Variants in CNTN4 observed in about 807,000 individuals in gnomAD.
CNTN4 encodes the protein contactin-4.
A neutral mutation model predicts 122.5 loss-of-function variants in CNTN4; 77 were observed. The ratio of observed to expected loss-of-function variants is 0.63; its 90% CI spans 0.52 to 0.76. CNTN4 has a LOEUF of 0.76. Ranked by LOEUF, CNTN4 falls within the 30% of genes least tolerant of loss-of-function variation. The pLI is 0.00. For missense variants in CNTN4, 1,256 were observed against 1,259.1 expected, an observed-to-expected ratio of 1.00 and a Z score of 0.04; for synonymous variants, 512 against 447.0, an observed-to-expected ratio of 1.15 and a Z score of -1.83.
chr3:2,766,230 G>A (rs1002983135), intron 6 of CNTN4, among the ~76,000 whole-genome samples: 3 of 152,070 alleles, frequency 2.0e-5, no homozygotes, highest in East Asian at 1.9e-4. Flanking sequence ...TCTCCTGATC[G>A]CATCTATAAT....
At position 2,916,636 on chromosome 3, in the gene CNTN4, T is replaced by A. The variant is rs1442619757; in HGVS notation, c.1208-8993T>A. Among the ~76,000 whole-genome samples the A allele has an allele frequency of 4.1e-5, 5 of 122,716 alleles. 2 individuals carry two copies. Among genetic ancestry groups the A allele is most frequent in the Non-Finnish European group, 8.7e-5 (5 of 57,696 alleles). 80.5% of individuals were successfully genotyped at this position (122,716 alleles called of 152,430 possible). Reference sequence around the variant, plus strand: ...GACACAGCAACAATCTGATTTCTCTTTCCTTTCCCCACACTTCCCCCCCTT... The same window carrying A: ...GACACAGCAACAATCTGATTTCTCTATCCTTTCCCCACACTTCCCCCCCTT... On this transcript the variant is annotated intron_variant, in intron 12 of 24. Transcript: ENST00000418658.
In CNTN4 at chr3:2,924,723, A is replaced by G. The variant is rs187230808; in HGVS notation, c.1208-906A>G. On this transcript the variant is annotated intron_variant, in intron 12 of 24. Transcript: ENST00000418658. Reference sequence around the variant, plus strand: ...ATAATAGAGCTATCTCAACACCTACACTCCAAGAACAAGTCACAGCTTCTC... The same window carrying G: ...ATAATAGAGCTATCTCAACACCTACGCTCCAAGAACAAGTCACAGCTTCTC... Among the ~76,000 whole-genome samples the G allele has an allele frequency of 1.2e-3, 181 of 152,294 alleles. 1 individual carries two copies. The highest frequency in any genetic ancestry group is 4.1e-3 in the African/African-American group (170 of 41,572).
Position 2,739,936 on chromosome 3 carries a change from A to G in CNTN4, c.182+3595A>G, listed in dbSNP as rs6782278. ...GAACGTTACTTTCCTTCTAATATAGAAAGGACATCTTTGGCATGGGGATTT... is the reference window on the plus strand; with the variant it reads ...GAACGTTACTTTCCTTCTAATATAGGAAGGACATCTTTGGCATGGGGATTT... On this transcript the variant is annotated intron_variant, in intron 5 of 24. Coordinates refer to ENST00000418658, the MANE Select transcript of CNTN4 (RefSeq NM_175607.3). 5.7e-3 allele frequency among the ~76,000 whole-genome samples: 861 copies of G among 152,336 alleles called. 11 individuals are homozygous for G. Among genetic ancestry groups the G allele is most frequent in the African/African-American group, 0.02 (824 of 41,570 alleles).
chr3:2,560,232 C>T (rs966207000), intron 3 of CNTN4, among the ~76,000 whole-genome samples: 1 of 151,720 alleles, frequency 6.6e-6, no homozygotes. Context: ...CCTCGATTTC[C>T]CAGGCTCAGG....
At chr3:2,948,580 C>CA (rs113953485) in intron 13 of CNTN4, among the ~76,000 whole-genome samples, 85 of 152,046 alleles carry the variant, frequency 5.6e-4, no homozygotes, top group African/African-American at 1.9e-3. Flanking sequence ...GCTCTGAAAA[C>CA]AAAAAAATAT....
At chr3:2,554,062 C>T (rs1177863982) in intron 3 of CNTN4, among the ~76,000 whole-genome samples, 2 of 152,130 alleles carry the variant, frequency 1.3e-5, no homozygotes, top group African/African-American at 4.8e-5. Flanking sequence ...TAATCTACAT[C>T]ACAAACCTTG....
At chr3:2,120,921 C>G (rs2033733844) in intron 2 of CNTN4, among the ~76,000 whole-genome samples, 1 of 152,034 alleles carries the variant, frequency 6.6e-6, no homozygotes, top group African/African-American at 2.4e-5. Flanking sequence ...ATCCTATGAA[C>G]TAGATACTAT....
rs1482761544 is a variant in CNTN4 at position 2,836,742 on chromosome 3, T to A, written c.454+17161T>A. On this transcript the variant is annotated intron_variant, in intron 7 of 24. Transcript: ENST00000418658. ...AAAACAAAATTAAAAAATAAAAACA[T>A]AATGAAGAGTAAAAAGATACTTCTG... Among the ~76,000 whole-genome samples the A allele has an allele frequency of 5.3e-5, 7 of 132,672 alleles. No homozygotes were observed. The East Asian group carries it at 1.1e-3, about 21-fold the overall frequency. The allele number at this position is 132,672 out of a possible 152,430, so 87.0% of individuals were successfully genotyped here.
intron 3 of CNTN4, among the ~76,000 whole-genome samples, chr3:2,353,975 T>C (rs2044759664): frequency 6.6e-6 from 1 of 152,218 alleles, no homozygotes; most frequent in South Asian, 2.1e-4. Context: ...TGACAGCTTA[T>C]ATATTTAGAG....
intron 6 of CNTN4, among the ~76,000 whole-genome samples, chr3:2,769,230 G>A (rs936912384): frequency 2.2e-4 from 33 of 152,046 alleles, no homozygotes; most frequent in African/African-American, 7.5e-4. Flanking sequence ...TTGGGAGGCC[G>A]AGGCGGGCAG....
chr3:2,763,495 C>G (rs754599450), intron 6 of CNTN4, among the ~76,000 whole-genome samples: 1 of 152,158 alleles, frequency 6.6e-6, no homozygotes, highest in Non-Finnish European at 1.5e-5. Context: ...AATTAAATCC[C>G]ATTTGTCAAT....
At chr3:2,509,546 G>A (rs190781135) in intron 3 of CNTN4, among the ~76,000 whole-genome samples, 3 of 152,106 alleles carry the variant, frequency 2.0e-5, no homozygotes, top group Non-Finnish European at 4.4e-5. Context: ...CTATTCGAGG[G>A]CATGGATCTG....
At chr3:2,864,903 ATCT>A (rs2093707801) in intron 7 of CNTN4, among the ~76,000 whole-genome samples, 1 of 151,990 alleles carries the variant, frequency 6.6e-6, no homozygotes, top group Admixed American at 6.6e-5. Flanking sequence ...GGGATAGGTA[ATCT>A]TCTCATTTTG....
At chr3:2,636,509 A>G (rs1048893945) in intron 4 of CNTN4, among the ~76,000 whole-genome samples, 3 of 152,348 alleles carry the variant, frequency 2.0e-5, no homozygotes, top group African/African-American at 4.8e-5. Flanking sequence ...TAATAAACAC[A>G]TCTAGAATTG....
At chr3:2,991,720 C>T (rs746413858) in intron 14 of CNTN4, among the ~76,000 whole-genome samples, 4 of 152,140 alleles carry the variant, frequency 2.6e-5, no homozygotes, top group Non-Finnish European at 5.9e-5. Context: ...GAAAACCATT[C>T]TGAACTCCGC....
chr3:2,305,582 A>G (rs2042672643), intron 2 of CNTN4, among the ~76,000 whole-genome samples: 3 of 152,126 alleles, frequency 2.0e-5, no homozygotes, highest in South Asian at 2.1e-4. Flanking sequence ...ATGTTGACCA[A>G]TTCATATACT....
intron 14 of CNTN4, among the ~76,000 whole-genome samples, chr3:3,005,790 A>T (rs1037504351): frequency 2.0e-5 from 3 of 152,034 alleles, no homozygotes; most frequent in African/African-American, 7.2e-5. Flanking sequence ...CCACCTCCTG[A>T]TACCATCACA....
chr3:2,347,651 C>T (rs555087124), intron 3 of CNTN4, among the ~76,000 whole-genome samples: 1 of 148,888 alleles, frequency 6.7e-6, no homozygotes, highest in South Asian at 2.2e-4. Flanking sequence ...TTCAGGTGAT[C>T]CACCCACCTC....
chr3:2,413,487 T>G (rs1376338977), intron 3 of CNTN4, among the ~76,000 whole-genome samples: 3 of 152,168 alleles, frequency 2.0e-5, no homozygotes, highest in African/African-American at 7.2e-5. Context: ...TCTTTAGATT[T>G]GAAAAATAAA....
Sources: allele counts gnomAD v4.1 joint callset (sites outside exome capture counted in the v4.1 genomes callset), GRCh38; gene constraint gnomAD v4.1.1; transcripts MANE v1.5; gene names NCBI Gene and HGNC (gene_info 2026-07-23, HGNC 2026-07-21).